The following SLC22A23 variants were observed in gnomAD, a reference collection of about 807,000 sequenced individuals.
SLC22A23 encodes the protein ion transporter protein.
A neutral mutation model predicts 61.0 loss-of-function variants in SLC22A23; 26 were observed. The ratio of observed to expected loss-of-function variants is 0.43; its 90% confidence interval spans 0.31 to 0.59. The LOEUF is 0.59. Among genes scored for constraint, SLC22A23 ranks in the 20% least tolerant of loss-of-function variants. The probability of loss-of-function intolerance (pLI) is 0.11; values close to 1 mark genes in which losing one functional copy is unlikely to be tolerated. For synonymous variants in SLC22A23, 430 were observed against 413.9 expected, an observed-to-expected ratio of 1.04 and a Z score of -0.47; for missense variants, 796 against 934.7, an observed-to-expected ratio of 0.85 and a Z score of 1.94.
chr6:3,283,539 G>A (rs540017273), intron 9 of SLC22A23: 7 of 365,028 alleles, frequency 1.9e-5, no homozygotes, highest in South Asian at 6.8e-5. Context: ...GTGGAAGTGC[G>A]GCATAAGTGA....
At chr6:3,389,101 C>T (rs536570739) in intron 3 of SLC22A23, among the ~76,000 whole-genome samples, 1 of 151,730 alleles carries the variant, frequency 6.6e-6, no homozygotes, top group South Asian at 2.1e-4. Context: ...AGCCCCATCT[C>T]TACGAAAAAT....
rs1216370945 is a variant in SLC22A23 at position 3,387,201 on chromosome 6, G to A, written c.913+22987C>T. Reference sequence around the variant, plus strand: ...GTGGAGAAAGGGAAAACTAGTAACTGCAGAGGAGAAGCCTGGCAGACCCCA... The same window carrying A: ...GTGGAGAAAGGGAAAACTAGTAACTACAGAGGAGAAGCCTGGCAGACCCCA... On this transcript the variant is annotated intron_variant, in intron 3 of 9. Transcript: ENST00000406686. The surrounding 1 kb of genome is among the most constrained non-coding windows in gnomAD (Gnocchi z 5.0). Among the ~76,000 whole-genome samples the A allele has an allele frequency of 1.3e-5, 2 of 152,200 alleles. No homozygotes were observed. The highest frequency in any genetic ancestry group is 4.8e-5 in the African/African-American group (2 of 41,428).
chr6:3,401,197 C>G (rs1443788711), intron 3 of SLC22A23, among the ~76,000 whole-genome samples: 1 of 152,156 alleles, frequency 6.6e-6, no homozygotes, highest in African/African-American at 2.4e-5. Context: ...CAAAAATTAG[C>G]CGGGCGTGGT....
At chr6:3,353,956 T>A (rs756285770) in intron 3 of SLC22A23, among the ~76,000 whole-genome samples, 8 of 152,240 alleles carry the variant, frequency 5.3e-5, no homozygotes, top group Non-Finnish European at 1.0e-4. Flanking sequence ...ATGCGTGGGC[T>A]GCTTTACTTT....
chr6:3,362,443 T>TAAAAAAAAAA (rs1765538891), intron 3 of SLC22A23, among the ~76,000 whole-genome samples: 1 of 110,682 alleles, frequency 9.0e-6, no homozygotes, highest in Admixed American at 8.6e-5. Flanking sequence ...AAATAAAAAT[T>TAAAAAAAAAA]AGCATGCATT....
chr6:3,392,009 T>A (rs948421367), intron 3 of SLC22A23, among the ~76,000 whole-genome samples: 2 of 151,946 alleles, frequency 1.3e-5, no homozygotes, highest in Admixed American at 1.3e-4. Context: ...TGCAGTAGCA[T>A]TTGGAATGCA....
intron 3 of SLC22A23, among the ~76,000 whole-genome samples, chr6:3,331,868 A>G (rs530626938): frequency 6.6e-6 from 1 of 152,306 alleles, no homozygotes; most frequent in East Asian, 1.9e-4. Flanking sequence ...TCTGTTGTTC[A>G]TTGTCAAGCT....
chr6:3,334,287 G>A (rs963343574), intron 3 of SLC22A23, among the ~76,000 whole-genome samples: 1 of 152,170 alleles, frequency 6.6e-6, no homozygotes, highest in Non-Finnish European at 1.5e-5. Context: ...TCAGCTTCTT[G>A]AGTAGCTAGG....
intron 4 of SLC22A23, chr6:3,323,472 AT>A (rs1452496766): frequency 2.4e-5 from 10 of 409,818 alleles, no homozygotes; most frequent in Non-Finnish European, 4.7e-5. Flanking sequence ...ATATCTCCAA[AT>A]CCCCCCTCCT....
In SLC22A23 at chr6:3,271,414, C is replaced by T. The variant is rs560602469; in HGVS notation, c.*1641G>A. 1.0e-4 allele frequency: 16 copies of T among 152,448 alleles called. No homozygotes were observed. Among genetic ancestry groups the T allele is most frequent in the Admixed American group, 3.3e-4 (5 of 15,292 alleles). The allele number at this position is 152,448 out of a possible 1,614,324, so 9.4% of individuals were successfully genotyped here. On this transcript the variant is annotated 3_prime_UTR_variant, in exon 10 of 10. Transcript: ENST00000406686. ...TCCAGGCCCTTACTGATGTGTGGAC[C>T]GCATGTGGAGGAGACATGAGTGGCG...
chr6:3,302,484 C>G (rs1761684861), intron 4 of SLC22A23, among the ~76,000 whole-genome samples: 1 of 151,948 alleles, frequency 6.6e-6, no homozygotes, highest in Admixed American at 6.6e-5. Flanking sequence ...TTAAGTTTGG[C>G]TTGTTCTTGC....
intron 1 of SLC22A23, among the ~76,000 whole-genome samples, chr6:3,442,127 C>T (rs1771640404): frequency 6.6e-6 from 1 of 152,194 alleles, no homozygotes; most frequent in Non-Finnish European, 1.5e-5. Context: ...ACACACGCTA[C>T]CACATGGATG....
chr6:3,381,233 CCTGCTGGGGCCTCT>C (rs1189855710), intron 3 of SLC22A23, among the ~76,000 whole-genome samples: 1 of 152,156 alleles, frequency 6.6e-6, no homozygotes, highest in Non-Finnish European at 1.5e-5. Context: ...ATCTCCCCAG[CCTGCTGGGGCCTCT>C]CTGTGGGGAG....
At chr6:3,425,036 G>A (rs1011793676) in intron 1 of SLC22A23, among the ~76,000 whole-genome samples, 1 of 152,072 alleles carries the variant, frequency 6.6e-6, no homozygotes, top group Admixed American at 6.5e-5. Context: ...GTGTCCACCC[G>A]TGTTCACTGT....
intron 3 of SLC22A23, among the ~76,000 whole-genome samples, chr6:3,358,234 G>T (rs1765231266): frequency 6.6e-6 from 1 of 152,136 alleles, no homozygotes; most frequent in African/African-American, 2.4e-5. Flanking sequence ...TTATCCAAAA[G>T]AATTGAAATT....
At chr6:3,455,838 G>T in intron 1 of SLC22A23, 68 bp downstream of exon 1, 6 of 1,440,596 alleles carry the variant, frequency 4.2e-6, no homozygotes, top group African/African-American at 1.4e-5. Context: ...CGGTTCTCCC[G>T]CTGGCTCGGG....
At chr6:3,451,540 T>C (rs1772156225) in intron 1 of SLC22A23, among the ~76,000 whole-genome samples, 1 of 152,154 alleles carries the variant, frequency 6.6e-6, no homozygotes, top group Admixed American at 6.5e-5. Flanking sequence ...CATGGAGTCT[T>C]TGTTTTTTTG....
intron 4 of SLC22A23, among the ~76,000 whole-genome samples, chr6:3,310,709 T>C (rs1453507079): frequency 6.6e-6 from 1 of 152,200 alleles, no homozygotes; most frequent in Admixed American, 6.5e-5. Context: ...ATAAAATAAA[T>C]TATTCCTCTA....
chr6:3,391,555 C>A (rs1767663587), intron 3 of SLC22A23, among the ~76,000 whole-genome samples: 1 of 152,210 alleles, frequency 6.6e-6, no homozygotes, highest in Non-Finnish European at 1.5e-5. Context: ...TGAATTCATT[C>A]ATTCATCAAA....
Sources: allele counts gnomAD v4.1 joint callset (sites outside exome capture counted in the v4.1 genomes callset), GRCh38; gene constraint gnomAD v4.1.1; non-coding constraint Gnocchi (gnomAD v3.1); transcripts MANE v1.5; gene names NCBI Gene and HGNC (gene_info 2026-07-23, HGNC 2026-07-21).